The following TBL1X variants were observed in gnomAD, a reference collection of about 807,000 sequenced individuals.
TBL1X encodes the protein F-box-like/WD repeat-containing protein TBL1X.
TBL1X carries 10 observed loss-of-function variants against 50.7 expected under a neutral mutation model. The ratio of observed to expected loss-of-function variants is 0.20; its 90% CI spans 0.12 to 0.33. The LOEUF (loss-of-function observed/expected upper bound fraction) is 0.33. Among genes scored for constraint, TBL1X ranks in the 10% least tolerant of loss-of-function variants. TBL1X has a pLI of 1.00. For missense variants in TBL1X, 340 were observed against 504.4 expected (o/e 0.67, Z 3.12); for synonymous variants, 190 against 214.7 (o/e 0.88, Z 1.01).
intron 2 of TBL1X, among the ~76,000 whole-genome samples, chrX:9,632,553 G>T (rs906485349): frequency 2.7e-5 from 3 of 111,916 alleles, no homozygotes; most frequent in Non-Finnish European, 5.6e-5. Context: ...AAAGTGCTGG[G>T]ATTACAGGTG....
intron 1 of TBL1X, among the ~76,000 whole-genome samples, chrX:9,471,113 G>A (rs1394761236): frequency 8.9e-6 from 1 of 112,624 alleles, no homozygotes; most frequent in Non-Finnish European, 1.9e-5. Context: ...TATAAAATAG[G>A]CTAAAAATAT....
chrX:9,547,577 C>T (rs142583757), intron 2 of TBL1X, among the ~76,000 whole-genome samples: 11,272 of 110,640 alleles, frequency 0.1, 456 homozygotes, highest in Non-Finnish European at 0.13. Context: ...GCCTTGGCCT[C>T]CCAAAGTGCT....
chrX:9,670,016 C>T (rs963646430), intron 5 of TBL1X, among the ~76,000 whole-genome samples: 2 of 111,681 alleles, frequency 1.8e-5, no homozygotes, highest in African/African-American at 6.5e-5. Context: ...TGATAATAGT[C>T]CTTCCCCCAA....
chrX:9,582,236 T>C (rs931935046), intron 2 of TBL1X, among the ~76,000 whole-genome samples: 5 of 112,181 alleles, frequency 4.5e-5, no homozygotes, highest in African/African-American at 1.6e-4. Flanking sequence ...CACAGTAGCT[T>C]GAAGTGTGAT....
At chrX:9,698,633 C>G (rs764077948) in intron 12 of TBL1X, among the ~76,000 whole-genome samples, 1 of 111,308 alleles carries the variant, frequency 9.0e-6, no homozygotes, top group Non-Finnish European at 1.9e-5. Flanking sequence ...CTGCAGACCC[C>G]CAGAAGGAAA....
chrX:9,483,689 T>A (rs1266635461), intron 1 of TBL1X, among the ~76,000 whole-genome samples: 1 of 111,270 alleles, frequency 9.0e-6, no homozygotes, highest in East Asian at 2.8e-4. Context: ...CCTATGCGGG[T>A]CTCTTTGAAG....
intron 1 of TBL1X, among the ~76,000 whole-genome samples, chrX:9,497,657 CAG>C (rs763715768): frequency 1.8e-5 from 2 of 109,592 alleles, no homozygotes; most frequent in Non-Finnish European, 1.9e-5. Flanking sequence ...ATACCCAAAA[CAG>C]TGTGCTTCCA....
intron 5 of TBL1X, among the ~76,000 whole-genome samples, chrX:9,668,556 T>C (rs1217462304): frequency 8.9e-6 from 1 of 112,469 alleles, no homozygotes; most frequent in Non-Finnish European, 1.9e-5. Flanking sequence ...TTACTTTTTC[T>C]CTACCTGATT....
chrX:9,552,047 G>A (rs780557060), intron 2 of TBL1X, among the ~76,000 whole-genome samples: 3 of 112,290 alleles, frequency 2.7e-5, no homozygotes, highest in Non-Finnish European at 5.6e-5. Context: ...AAGAGAGGCC[G>A]GGTTCATCGC....
intron 1 of TBL1X, among the ~76,000 whole-genome samples, chrX:9,497,841 TTC>T (rs62785061): frequency 0.36 from 30,774 of 85,582 alleles, 5,743 homozygotes; most frequent in East Asian, 0.61. Flanking sequence ...TTTCTTTTCT[TTC>T]TCTCTCTCTC....
intron 2 of TBL1X, among the ~76,000 whole-genome samples, chrX:9,532,598 G>A (rs1257385852): frequency 2.7e-5 from 3 of 111,007 alleles, no homozygotes; most frequent in Non-Finnish European, 5.7e-5. Flanking sequence ...CGTGCCGGGC[G>A]GCTGTAACAG....
intron 2 of TBL1X, among the ~76,000 whole-genome samples, chrX:9,604,014 A>G (rs184181242): frequency 1.8e-5 from 2 of 111,755 alleles, no homozygotes; most frequent in African/African-American, 3.3e-5. Context: ...ACTATCTGCA[A>G]TGACCCTTTT....
chrX:9,655,973 C>T (rs1334055138), intron 5 of TBL1X, among the ~76,000 whole-genome samples: 3 of 112,974 alleles, frequency 2.7e-5, no homozygotes, highest in Non-Finnish European at 1.9e-5. Context: ...GTCTCTGTCC[C>T]TTGCGCTCCC....
chrX:9,546,902 T>G (rs1339191703), intron 2 of TBL1X, among the ~76,000 whole-genome samples: 1 of 90,806 alleles, frequency 1.1e-5, no homozygotes, highest in East Asian at 4.0e-4. Context: ...CACTGCAAGC[T>G]CCGCCTCCTG....
At chrX:9,520,970 C>A (rs1424288706) in intron 2 of TBL1X, among the ~76,000 whole-genome samples, 1 of 111,101 alleles carries the variant, frequency 9.0e-6, no homozygotes, top group Non-Finnish European at 1.9e-5. Flanking sequence ...TAGTAGCATG[C>A]ACCTGTAATC....
chrX:9,530,334 C>T (rs776463312), intron 2 of TBL1X, among the ~76,000 whole-genome samples: 37 of 111,991 alleles, frequency 3.3e-4, no homozygotes, highest in Non-Finnish European at 6.8e-4. Context: ...TGATTTTTTC[C>T]TTCTGTATTC....
At chrX:9,583,986 A>T (rs1056259280) in intron 2 of TBL1X, among the ~76,000 whole-genome samples, 2 of 112,516 alleles carry the variant, frequency 1.8e-5, no homozygotes, top group African/African-American at 6.5e-5. Context: ...TCTAAAATGT[A>T]TGGAATGAAG....
chrX:9,586,718 T>C (rs565038920), intron 2 of TBL1X, among the ~76,000 whole-genome samples: 2 of 111,301 alleles, frequency 1.8e-5, no homozygotes, highest in African/African-American at 6.5e-5. Flanking sequence ...CTGGGCAACA[T>C]AGTGAGACCC....
intron 2 of TBL1X, among the ~76,000 whole-genome samples, chrX:9,542,801 C>T (rs1398204022): frequency 8.9e-6 from 1 of 111,789 alleles, no homozygotes; most frequent in African/African-American, 3.3e-5. Context: ...ATAAGAGCCC[C>T]GAATTGCAAT....
Sources: allele counts gnomAD v4.1 joint callset (sites outside exome capture counted in the v4.1 genomes callset), GRCh38; gene constraint gnomAD v4.1.1; transcripts MANE v1.5; gene names NCBI Gene and HGNC (gene_info 2026-07-23, HGNC 2026-07-21).